ELFN1: variants seen among roughly 807,000 people sequenced by gnomAD.
The protein encoded by ELFN1 is protein ELFN1.
ELFN1 carries 6 observed loss-of-function variants against 7.6 expected under a neutral mutation model. The observed-to-expected ratio is 0.79, with a 90% CI of 0.43 to 1.56. The LOEUF (loss-of-function observed/expected upper bound fraction) is 1.56. Among genes scored for constraint, ELFN1 ranks in the 40% most tolerant of loss-of-function variants. The pLI is 0.01. For synonymous variants in ELFN1, 657 were observed against 588.1 expected, an observed-to-expected ratio of 1.12 and a Z score of -1.70; for missense variants, 1,169 against 1,232.2, an observed-to-expected ratio of 0.95 and a Z score of 0.77.
chr7:1,676,050 G>T (rs904944180), intron 1 of ELFN1, among the ~76,000 whole-genome samples: 1 of 152,200 alleles, frequency 6.6e-6, no homozygotes, highest in African/African-American at 2.4e-5. Context: ...GCCTGGGAGG[G>T]GGACTGGGAT....
At position 1,745,536 on chromosome 7, in the gene ELFN1, G is replaced by A. The variant is rs550027080; in HGVS notation, c.940G>A (p.Glu314Lys). ...CCTGCCCACGCTGGCCACGCAGGCC[G>A]AGGCCCGCCCCCTCATCAAGGTCAA... ...VALPTLATQA[E>K]ARPLIKVKQL... is the part of the protein sequence containing the mutation. The change falls in exon 4 of 4, where the codon GAG becomes AAG. Residue 314 changes from glutamate to lysine, a missense_variant. Transcript: ENST00000424383. 2.7e-5 allele frequency: 42 copies of A among 1,548,016 alleles called. No individual in the cohort carries two copies. The Admixed American group carries it at 2.7e-4, about 10-fold the overall frequency.
chr7:1,720,756 T>C (rs1779997409), intron 3 of ELFN1, among the ~76,000 whole-genome samples: 2 of 138,370 alleles, frequency 1.4e-5, no homozygotes, highest in African/African-American at 5.3e-5. Flanking sequence ...ACCTAGTACT[T>C]GGATCTCTCT....
intron 1 of ELFN1, among the ~76,000 whole-genome samples, chr7:1,679,969 G>A (rs571326215): frequency 2.0e-5 from 3 of 152,382 alleles, no homozygotes; most frequent in East Asian, 3.9e-4. Context: ...AGAAGGGGGC[G>A]CGTGTGCCCC....
At chr7:1,672,285 C>T (rs920202647) in intron 1 of ELFN1, among the ~76,000 whole-genome samples, 1 of 152,118 alleles carries the variant, frequency 6.6e-6, no homozygotes, top group Non-Finnish European at 1.5e-5. Context: ...CCAGGACTGC[C>T]ACTGGAAAGC....
At position 1,735,010 on chromosome 7, in the gene ELFN1, T is replaced by C. The variant is rs2128600276; in HGVS notation, c.-293-9294T>C. Among the ~76,000 whole-genome samples, 1 of 152,278 alleles carries C rather than the reference T, an allele frequency of 6.6e-6. No homozygotes were observed. Among genetic ancestry groups the C allele is most frequent in the South Asian group, 2.1e-4 (1 of 4,828 alleles). Reference sequence around the variant, plus strand: ...GCGCCCGCTCCGGGAATCTGCATTTTTAAGTAGCAGTGGAGTGCTGTTGCC... The same window carrying C: ...GCGCCCGCTCCGGGAATCTGCATTTCTAAGTAGCAGTGGAGTGCTGTTGCC... On this transcript the variant is annotated intron_variant, in intron 3 of 3. Transcript: ENST00000424383. This position sits in a 1 kb window ranked among gnomAD's most constrained non-coding sequence, Gnocchi z 5.9.
chr7:1,718,202 C>T (rs563784837), intron 3 of ELFN1, among the ~76,000 whole-genome samples: 3 of 152,326 alleles, frequency 2.0e-5, no homozygotes, highest in Non-Finnish European at 4.4e-5. Flanking sequence ...ACTCCACTCA[C>T]GTCCCGTTGG....
At chr7:1,690,619 G>A (rs1201330892) in intron 2 of ELFN1, among the ~76,000 whole-genome samples, 1 of 150,452 alleles carries the variant, frequency 6.6e-6, no homozygotes, top group East Asian at 2.0e-4. Context: ...TGGATAAATG[G>A]ATGGATGAAG....
At chr7:1,724,047 C>T (rs1780106197) in intron 3 of ELFN1, among the ~76,000 whole-genome samples, 1 of 152,256 alleles carries the variant, frequency 6.6e-6, no homozygotes. Flanking sequence ...TAGGCCCCGG[C>T]CCCACCACTT....
At chr7:1,727,170 G>A (rs768678303) in intron 3 of ELFN1, among the ~76,000 whole-genome samples, 44 of 152,202 alleles carry the variant, frequency 2.9e-4, no homozygotes, top group Non-Finnish European at 4.7e-4. Context: ...CCAAGTGAAT[G>A]AATGATTGTG....
intron 3 of ELFN1, among the ~76,000 whole-genome samples, chr7:1,732,180 C>T (rs1305442947): frequency 6.6e-6 from 1 of 152,146 alleles, no homozygotes; most frequent in Admixed American, 6.6e-5. Flanking sequence ...GAGGTTCCAG[C>T]CCCAATCTGG....
chr7:1,687,009 G>A (rs1451301398), intron 1 of ELFN1, among the ~76,000 whole-genome samples: 1 of 151,248 alleles, frequency 6.6e-6, no homozygotes, highest in Non-Finnish European at 1.5e-5. Flanking sequence ...TCTGCCAGAC[G>A]AGAGTCTGTG....
rs1780409036 is a variant in ELFN1, at chr7:1,735,136, CT to C, written c.-293-9165del. On this transcript the variant is annotated intron_variant, in intron 3 of 3. Coordinates refer to ENST00000424383, the MANE Select transcript of ELFN1 (RefSeq NM_001128636.4). This position sits in a 1 kb window ranked among gnomAD's most constrained non-coding sequence, Gnocchi z 5.9. ...TCTGTCCAATTGAGGTAACACTAACCTTTGCCTCCCTGAACCCTGGGGAGGG... is the reference window on the plus strand; with the variant it reads ...TCTGTCCAATTGAGGTAACACTAACCTTGCCTCCCTGAACCCTGGGGAGGG... 6.6e-6 allele frequency among the ~76,000 whole-genome samples: 1 copy of C among 152,170 alleles called. No individual in the cohort carries two copies. The highest frequency in any genetic ancestry group is 1.5e-5 in the Non-Finnish European group (1 of 68,032).
At chr7:1,715,802 C>T (rs950428052) in intron 3 of ELFN1, among the ~76,000 whole-genome samples, 6 of 152,232 alleles carry the variant, frequency 3.9e-5, no homozygotes, top group East Asian at 1.9e-4. Context: ...ATTCCCTCCT[C>T]CCCCTGGGTC....
intron 3 of ELFN1, among the ~76,000 whole-genome samples, chr7:1,738,056 G>C (rs975943193): frequency 6.6e-6 from 1 of 152,216 alleles, no homozygotes; most frequent in African/African-American, 2.4e-5. Context: ...CGTGCGACAA[G>C]CAGACCTCGC....
chr7:1,734,647 C>T (rs752742257), intron 3 of ELFN1, among the ~76,000 whole-genome samples: 7 of 152,084 alleles, frequency 4.6e-5, no homozygotes, highest in South Asian at 2.1e-4. Context: ...GCTCCCACTC[C>T]GGGGCCTGCC....
chr7:1,675,613 C>T (rs1322888754), intron 1 of ELFN1, among the ~76,000 whole-genome samples: 1 of 152,266 alleles, frequency 6.6e-6, no homozygotes, highest in Admixed American at 6.5e-5. Flanking sequence ...TCCCGCCCGG[C>T]TTCCTGGGGC....
upstream of ELFN1, among the ~76,000 whole-genome samples, chr7:1,666,841 G>A (rs1394457095): frequency 6.6e-6 from 1 of 151,802 alleles, no homozygotes; most frequent in Non-Finnish European, 1.5e-5. The surrounding 1 kb of genome is among the most constrained non-coding windows in gnomAD (Gnocchi z 7.9). Flanking sequence ...CTCCGGAGGG[G>A]GTGTTACGGG....
At chr7:1,723,657 G>T (rs192497783) in intron 3 of ELFN1, among the ~76,000 whole-genome samples, 87 of 152,340 alleles carry the variant, frequency 5.7e-4, no homozygotes, top group African/African-American at 1.8e-3. Context: ...GCTGTGCCCC[G>T]GCCTGGGGCT....
intron 3 of ELFN1, among the ~76,000 whole-genome samples, chr7:1,741,710 A>G (rs1045520516): frequency 6.6e-6 from 1 of 152,154 alleles, no homozygotes; most frequent in African/African-American, 2.4e-5. Flanking sequence ...TCCTGCATGC[A>G]TGCAACATGC....
Sources: allele counts gnomAD v4.1 joint callset (sites outside exome capture counted in the v4.1 genomes callset), GRCh38; gene constraint gnomAD v4.1.1; non-coding constraint Gnocchi (gnomAD v3.1); transcripts MANE v1.5; gene names NCBI Gene and HGNC (gene_info 2026-07-23, HGNC 2026-07-21).